MARK1: variants seen among roughly 807,000 people sequenced by gnomAD.
MARK1 encodes the protein microtubule affinity regulating kinase 1, also known as serine/threonine-protein kinase MARK1.
Under a neutral mutation model 96.3 loss-of-function variants are expected in MARK1, and 40 were observed. The ratio of observed to expected loss-of-function variants is 0.42; its 90% CI spans 0.32 to 0.54. MARK1 has a LOEUF of 0.54. Ranked by LOEUF, MARK1 falls within the 20% of genes least tolerant of loss-of-function variation. The probability of loss-of-function intolerance (pLI) is 0.16; values close to 1 mark genes in which losing one functional copy is unlikely to be tolerated. For missense variants in MARK1, 719 were observed against 984.6 expected (o/e 0.73, Z 3.61); for synonymous variants, 317 against 341.2 (o/e 0.93, Z 0.78).
intron 13 of MARK1, among the ~76,000 whole-genome samples, chr1:220,636,558 G>A (rs1330327287): frequency 6.6e-6 from 1 of 151,966 alleles, no homozygotes; most frequent in Non-Finnish European, 1.5e-5. Context: ...GTTTTGAAAG[G>A]AAAGGGAGCA....
At chr1:220,613,166 G>C (rs375437758) in intron 6 of MARK1, among the ~76,000 whole-genome samples, 1 of 152,172 alleles carries the variant, frequency 6.6e-6, no homozygotes, top group South Asian at 2.1e-4. Flanking sequence ...GGAAGGTCTA[G>C]CTGTAAAATA....
At chr1:220,577,222 G>T (rs1043248899) in intron 1 of MARK1, among the ~76,000 whole-genome samples, 1 of 152,038 alleles carries the variant, frequency 6.6e-6, no homozygotes, top group African/African-American at 2.4e-5. Flanking sequence ...AGCAGTGATC[G>T]TGCCACTGCA....
intron 1 of MARK1, among the ~76,000 whole-genome samples, chr1:220,568,037 A>G (rs1219206862): frequency 6.6e-6 from 1 of 152,152 alleles, no homozygotes; most frequent in African/African-American, 2.4e-5. Context: ...TTTCTTTTGA[A>G]TAGGTTAATG....
At chr1:220,624,437 T>C (rs1667212094) in intron 9 of MARK1, among the ~76,000 whole-genome samples, 1 of 151,024 alleles carries the variant, frequency 6.6e-6, no homozygotes, top group African/African-American at 2.4e-5. Flanking sequence ...CCGTCTCTAT[T>C]AAAGATACAA....
intron 1 of MARK1, among the ~76,000 whole-genome samples, chr1:220,542,981 T>C (rs1572050574): frequency 6.6e-6 from 1 of 152,228 alleles, no homozygotes; most frequent in East Asian, 1.9e-4. Flanking sequence ...CGTATCTGTA[T>C]ACTTTAAAAT....
In MARK1 at chr1:220,664,127, A is replaced by T. The variant is rs1193371771; in HGVS notation, c.*1961A>T. On this transcript the variant is annotated 3_prime_UTR_variant, in exon 18 of 18. Transcript: ENST00000366917. The stretch of plus-strand genomic sequence containing the variant: ...ATTCCTGTCACTGAAATACGTTTTT[A>T]AAAAAATAGACTCATGTGTTTTCCA... 2 of 152,174 alleles carry T rather than the reference A, an allele frequency of 1.3e-5. No individual in the cohort carries two copies. Among genetic ancestry groups the T allele is most frequent in the Admixed American group, 6.5e-5 (1 of 15,280 alleles). 9.4% of individuals were successfully genotyped at this position (152,174 alleles called of 1,614,324 possible).
intron 1 of MARK1, among the ~76,000 whole-genome samples, chr1:220,542,510 G>A (rs891301924): frequency 1.3e-5 from 2 of 152,176 alleles, no homozygotes; most frequent in African/African-American, 4.8e-5. Context: ...AATTGAGGAT[G>A]CTTCCTTCAG....
chr1:220,653,417 A>T (rs913866658), intron 16 of MARK1, 65 bp downstream of exon 16: 28 of 1,480,742 alleles, frequency 1.9e-5, no homozygotes, highest in East Asian at 7.2e-5. Flanking sequence ...TAGACTTTTT[A>T]AAAAAATCTT....
chr1:220,583,303 C>G (rs1664371644), intron 3 of MARK1, among the ~76,000 whole-genome samples: 1 of 152,148 alleles, frequency 6.6e-6, no homozygotes, highest in African/African-American at 2.4e-5. Context: ...TTCTGTGTAT[C>G]AGATATTTAT....
intron 1 of MARK1, among the ~76,000 whole-genome samples, chr1:220,534,089 G>T (rs953451208): frequency 6.6e-6 from 1 of 151,878 alleles, no homozygotes; most frequent in Non-Finnish European, 1.5e-5. Context: ...AGTATTTTTG[G>T]TGGGGAGGGA....
intron 6 of MARK1, among the ~76,000 whole-genome samples, chr1:220,611,332 T>C (rs1202421188): frequency 6.6e-6 from 1 of 152,220 alleles, no homozygotes; most frequent in Non-Finnish European, 1.5e-5. Flanking sequence ...AATCTCAGAC[T>C]GTTGTGCTAG....
intron 13 of MARK1, 44 bp downstream of exon 13, chr1:220,636,070 GT>G: frequency 1.5e-6 from 2 of 1,314,282 alleles, no homozygotes; most frequent in African/African-American, 1.5e-5. Context: ...GTAATAACTT[GT>G]TTTAGGGTTA....
intron 1 of MARK1, among the ~76,000 whole-genome samples, chr1:220,545,583 C>A (rs935797667): frequency 2.0e-5 from 3 of 151,434 alleles, no homozygotes; most frequent in African/African-American, 7.3e-5. Context: ...ACTATAGGTG[C>A]TCACTGCCAT....
At chr1:220,630,127 A>G (rs559288572) in intron 9 of MARK1, among the ~76,000 whole-genome samples, 32 of 152,194 alleles carry the variant, frequency 2.1e-4, no homozygotes, top group African/African-American at 7.7e-4. Context: ...TGTTTTTTTG[A>G]TAGTGGCCAT....
chr1:220,623,108 G>A (rs189941684), intron 9 of MARK1, among the ~76,000 whole-genome samples: 1 of 152,172 alleles, frequency 6.6e-6, no homozygotes, highest in African/African-American at 2.4e-5. Context: ...TGAAATCGGA[G>A]TGGATGAGTT....
intron 1 of MARK1, among the ~76,000 whole-genome samples, chr1:220,529,722 T>C (rs926093985): frequency 6.6e-6 from 1 of 152,226 alleles, no homozygotes; most frequent in Non-Finnish European, 1.5e-5. Context: ...GCTTTTAAAC[T>C]CTTGAAAAAC....
At chr1:220,630,942 G>A in intron 9 of MARK1, 93 bp from the exon 10 acceptor site, 1 of 845,552 alleles carries the variant, frequency 1.2e-6, no homozygotes, top group East Asian at 2.6e-5. Flanking sequence ...AACTTCTTGA[G>A]TGAACTAGTA....
chr1:220,656,622 GTTTTA>G (rs1159679553), intron 16 of MARK1, among the ~76,000 whole-genome samples: 1 of 152,022 alleles, frequency 6.6e-6, no homozygotes, highest in Non-Finnish European at 1.5e-5. Flanking sequence ...GCTCAAAAAT[GTTTTA>G]TTTATTTCAA....
At chr1:220,616,353 C>A (rs1666751044) in intron 7 of MARK1, among the ~76,000 whole-genome samples, 1 of 152,158 alleles carries the variant, frequency 6.6e-6, no homozygotes, top group Non-Finnish European at 1.5e-5. Flanking sequence ...ACAGTATTCA[C>A]ACTCTACCTT....
Sources: gnomAD v4.1 joint callset for allele counts (sites outside exome capture counted in the v4.1 genomes callset) on GRCh38, gnomAD v4.1.1 for gene constraint, MANE v1.5 for transcripts, NCBI Gene and HGNC (gene_info 2026-07-23, HGNC 2026-07-21) for gene names.